CAMK4: variants seen among roughly 807,000 people sequenced by gnomAD.
CAMK4 encodes the protein calcium/calmodulin dependent protein kinase IV.
Under a neutral mutation model 44.9 loss-of-function variants are expected in CAMK4, and 22 were observed. That is an observed-to-expected ratio of 0.49 (90% confidence interval 0.35 to 0.70). The LOEUF (loss-of-function observed/expected upper bound fraction) is 0.70. Ranked by LOEUF, CAMK4 falls within the 30% of genes least tolerant of loss-of-function variation. CAMK4 has a pLI of 0.01. For missense variants in CAMK4, 498 were observed against 586.8 expected, an observed-to-expected ratio of 0.85 and a Z score of 1.56; for synonymous variants, 218 against 215.4, an observed-to-expected ratio of 1.01 and a Z score of -0.11.
At chr5:111,420,098 T>G (rs1158986344) in intron 5 of CAMK4, among the ~76,000 whole-genome samples, 1 of 149,794 alleles carries the variant, frequency 6.7e-6, no homozygotes, top group East Asian at 1.9e-4. Context: ...TTCCATTTGT[T>G]TGTATCCTCT....
chr5:111,354,684 G>A (rs1298302302), intron 2 of CAMK4, among the ~76,000 whole-genome samples: 1 of 152,016 alleles, frequency 6.6e-6, no homozygotes, highest in Non-Finnish European at 1.5e-5. Context: ...GCAACAGAGC[G>A]AGACTCTGTC....
chr5:111,227,774 A>G (rs984717835), intron 1 of CAMK4, among the ~76,000 whole-genome samples: 2 of 152,238 alleles, frequency 1.3e-5, no homozygotes, highest in Non-Finnish European at 2.9e-5. Context: ...TATCAGGCAA[A>G]GTAATTTTCC....
In CAMK4 at chr5:111,329,432, C is replaced by G. The variant is rs182663594; in HGVS notation, c.162-14592C>G. 2.2e-3 allele frequency among the ~76,000 whole-genome samples: 337 copies of G among 150,904 alleles called. 2 individuals are homozygous for G. Among genetic ancestry groups the G allele is most frequent in the African/African-American group, 6.8e-3 (279 of 41,270 alleles). ...GTATTCAATTAGGAAAAGAGGAAGT[C>G]AAATTGTCCCTGTTTACAGATGACA... On this transcript the variant is annotated intron_variant, in intron 1 of 10. Coordinates refer to ENST00000282356, the MANE Select transcript of CAMK4 (RefSeq NM_001744.6).
rs919474462 is a variant in CAMK4 at position 111,489,615 on chromosome 5, C to G, written c.*5149C>G. The G allele has an allele frequency of 4.6e-5, 7 of 152,154 alleles. No homozygotes were observed. The allele number at this position is 152,154 out of a possible 1,614,324, so 9.4% of individuals were successfully genotyped here. On this transcript the variant is annotated 3_prime_UTR_variant, in exon 11 of 11. Coordinates refer to ENST00000282356, the MANE Select transcript of CAMK4 (RefSeq NM_001744.6). ...AGGTCCACCAGGGCAAAATAGAAGCCTTGCCGAGAAAGTGAACTGTCTTAC... is the reference window on the plus strand; with the variant it reads ...AGGTCCACCAGGGCAAAATAGAAGCGTTGCCGAGAAAGTGAACTGTCTTAC...
rs1408388599 is a variant in CAMK4, at chr5:111,355,771, C to T, written c.240+11669C>T. ...TGTGGTGTTTGGTTTTTTGTCCTTG[C>T]GATAGTTTACCGAGAATGATGATTT... is the stretch of plus-strand genomic sequence containing the variant. On this transcript the variant is annotated intron_variant, in intron 2 of 10. Transcript: ENST00000282356. Among the ~76,000 whole-genome samples, 98 of 150,676 alleles carry T rather than the reference C, an allele frequency of 6.5e-4. 1 individual carries two copies. Among genetic ancestry groups the T allele is most frequent in the South Asian group, 6.4e-3 (30 of 4,690 alleles).
intron 5 of CAMK4, among the ~76,000 whole-genome samples, chr5:111,401,189 A>G (rs306091): frequency 0.54 from 82,059 of 151,828 alleles, 22,973 homozygotes; most frequent in African/African-American, 0.7. Context: ...CCCAGGCTGG[A>G]GTGCAGTGGT....
intron 2 of CAMK4, among the ~76,000 whole-genome samples, chr5:111,366,400 C>T (rs751733144): frequency 6.6e-6 from 1 of 152,136 alleles, no homozygotes; most frequent in Non-Finnish European, 1.5e-5. Flanking sequence ...AGTGTTTGAA[C>T]TTCCAGAGTC....
At chr5:111,360,478 G>T (rs145370499) in intron 2 of CAMK4, among the ~76,000 whole-genome samples, 6 of 152,198 alleles carry the variant, frequency 3.9e-5, no homozygotes, top group South Asian at 2.1e-4. Flanking sequence ...CACACTCAGA[G>T]ACCAAACCAG....
In CAMK4 at chr5:111,237,668, CT is replaced by C. The variant is rs564435022; in HGVS notation, c.161+13028del. Among the ~76,000 whole-genome samples, 518 of 152,280 alleles carry C rather than the reference CT, an allele frequency of 3.4e-3. 3 individuals are homozygous for C. The highest frequency in any genetic ancestry group is 6.0e-3 in the Non-Finnish European group (409 of 68,014). On this transcript the variant is annotated intron_variant, in intron 1 of 10. Transcript: ENST00000282356. ...GGCTTCCTCTACCCCTCTAGTTTTG[CT>C]TTTAGAAAAGAATCATTCTTTTTAA...
At chr5:111,309,644 T>C (rs962600494) in intron 1 of CAMK4, among the ~76,000 whole-genome samples, 4 of 152,176 alleles carry the variant, frequency 2.6e-5, no homozygotes, top group African/African-American at 9.7e-5. Context: ...AGGTTATTTC[T>C]TCTATTCCGA....
rs182050131 is a variant in CAMK4, at chr5:111,398,541, C to A, written c.459+3759C>A. 5.9e-5 allele frequency among the ~76,000 whole-genome samples: 9 copies of A among 152,262 alleles called. No individual in the cohort carries two copies. In the South Asian group the frequency reaches 1.9e-3, roughly 32 times the overall value. On this transcript the variant is annotated intron_variant, in intron 5 of 10. Transcript: ENST00000282356. ...GCATCCTAGGTGCGGTTTTGAATGA[C>A]AGTCTGTTGTTTGTCAGAAAACCAT...
intron 7 of CAMK4, among the ~76,000 whole-genome samples, chr5:111,469,125 CAA>C (rs1454985484): frequency 3.5e-5 from 3 of 85,666 alleles, no homozygotes; most frequent in Non-Finnish European, 6.3e-5. Flanking sequence ...GTCTGGGCAA[CAA>C]GAGTGAAACT....
At chr5:111,261,592 G>A (rs1019735836) in intron 1 of CAMK4, among the ~76,000 whole-genome samples, 14 of 147,752 alleles carry the variant, frequency 9.5e-5, no homozygotes, top group Non-Finnish European at 1.8e-4. Context: ...TCACCACAAT[G>A]ACTTTTTCTG....
Position 111,487,011 on chromosome 5 carries a change from T to C in CAMK4, c.*2545T>C, listed in dbSNP as rs1236029027. ...TCAGTCAAATTATTCAAAGATTTCA[T>C]ATACATACATCCTAAGTTAGGATAA... On this transcript the variant is annotated 3_prime_UTR_variant, in exon 11 of 11. Transcript: ENST00000282356. 6.6e-6 allele frequency: 1 copy of C among 152,196 alleles called. No individual in the cohort carries two copies. The highest frequency in any genetic ancestry group is 1.5e-5 in the Non-Finnish European group (1 of 68,034). The allele number at this position is 152,196 out of a possible 1,614,324, so 9.4% of individuals were successfully genotyped here.
At position 111,466,813 on chromosome 5, in the gene CAMK4, C is replaced by T. The variant is rs145875044; in HGVS notation, c.626-6498C>T. The stretch of plus-strand genomic sequence containing the variant: ...AATACAATTCCCATCAAAATACCAC[C>T]ATCATTTATCACAGAGTTAGAAAAA... On this transcript the variant is annotated intron_variant, in intron 7 of 10. Coordinates refer to ENST00000282356, the MANE Select transcript of CAMK4 (RefSeq NM_001744.6). 2.2e-4 allele frequency among the ~76,000 whole-genome samples: 33 copies of T among 148,166 alleles called. No homozygotes were observed. The East Asian group carries it at 6.4e-3, about 29-fold the overall frequency.
chr5:111,486,306 C>T lies in CAMK4; in HGVS notation c.*1840C>T. 1 of 151,932 alleles carries T rather than the reference C, an allele frequency of 6.6e-6. No homozygotes were observed. The highest frequency in any genetic ancestry group is 1.5e-5 in the Non-Finnish European group (1 of 67,976). 9.4% of individuals were successfully genotyped at this position (151,932 alleles called of 1,614,324 possible). ...TATTTTTTGTTTTGTTTTATTTGTACTATCTAGTAGAGAGCACTTTTCTTA... is the reference window on the plus strand; with the variant it reads ...TATTTTTTGTTTTGTTTTATTTGTATTATCTAGTAGAGAGCACTTTTCTTA... On this transcript the variant is annotated 3_prime_UTR_variant, in exon 11 of 11. Transcript: ENST00000282356.
chr5:111,467,373 C>G (rs1467063244), intron 7 of CAMK4, among the ~76,000 whole-genome samples: 1 of 49,506 alleles, frequency 2.0e-5, no homozygotes, highest in Admixed American at 2.7e-4. Context: ...TTCTGCATAG[C>G]AAAAAAAAAA....
At chr5:111,233,232 T>G (rs138914280) in intron 1 of CAMK4, among the ~76,000 whole-genome samples, 4 of 152,330 alleles carry the variant, frequency 2.6e-5, no homozygotes, top group Admixed American at 2.6e-4. Context: ...AAATCTTAAC[T>G]TATTCAAGGA....
At chr5:111,247,972 C>T (rs1749313747) in intron 1 of CAMK4, among the ~76,000 whole-genome samples, 1 of 152,120 alleles carries the variant, frequency 6.6e-6, no homozygotes, top group Admixed American at 6.6e-5. Context: ...TGCTCAGGGG[C>T]ATTGTGGTTT....
Sources: allele counts gnomAD v4.1 joint callset (sites outside exome capture counted in the v4.1 genomes callset), GRCh38; gene constraint gnomAD v4.1.1; transcripts MANE v1.5; gene names NCBI Gene and HGNC (gene_info 2026-07-23, HGNC 2026-07-21).